FAAH2: variants seen among roughly 807,000 people sequenced by gnomAD.
FAAH2 encodes the protein fatty-acid amide hydrolase 2.
Under a neutral mutation model 36.9 loss-of-function variants are expected in FAAH2, and 60 were observed. That is an observed-to-expected ratio of 1.63 (90% CI 1.32 to 2.02). The LOEUF is 2.02. FAAH2 is among the 30% of genes most tolerant of loss of function. FAAH2 has a pLI of 0.00. For synonymous variants in FAAH2, 214 were observed against 143.8 expected, an observed-to-expected ratio of 1.49 and a Z score of -3.49; for missense variants, 689 against 397.5, an observed-to-expected ratio of 1.73 and a Z score of -6.23.
chrX:57,212,545 A>C, the FAAH2 span, among the ~76,000 whole-genome samples: 1 of 112,835 alleles, frequency 8.9e-6, no homozygotes, highest in South Asian at 3.6e-4. Flanking sequence ...AACTTCTGAA[A>C]ATAAAATATT....
the FAAH2 span, among the ~76,000 whole-genome samples, chrX:57,125,535 C>G: frequency 8.9e-5 from 10 of 111,743 alleles, no homozygotes; most frequent in Admixed American, 4.7e-4. Flanking sequence ...GTGGTTCCCT[C>G]TAGAATGGGT....
At chrX:57,291,930 A>C (rs1351799565) in intron 1 of FAAH2, among the ~76,000 whole-genome samples, 1 of 111,398 alleles carries the variant, frequency 9.0e-6, no homozygotes, top group African/African-American at 3.3e-5. Context: ...ATTTAAGATA[A>C]ATAACAAATA....
intron 3 of FAAH2, among the ~76,000 whole-genome samples, chrX:57,320,211 C>G (rs1452223454): frequency 8.9e-6 from 1 of 111,833 alleles, no homozygotes; most frequent in Non-Finnish European, 1.9e-5. Context: ...GCAAAAGAAA[C>G]TATCATCATA....
At chrX:57,269,141 T>C in the FAAH2 span, among the ~76,000 whole-genome samples, 2 of 111,612 alleles carry the variant, frequency 1.8e-5, no homozygotes, top group Admixed American at 1.9e-4. Flanking sequence ...AAACGTCAAA[T>C]AATGGTGAAA....
intron 7 of FAAH2, chrX:57,394,666 C>G (rs1316167230): frequency 1.1e-6 from 1 of 940,940 alleles, no homozygotes; most frequent in African/African-American, 1.9e-5. Context: ...TCACCCACAA[C>G]TTTTCTCCCA....
chrX:57,330,587 A>C (rs2053373723), intron 3 of FAAH2, among the ~76,000 whole-genome samples: 1 of 111,062 alleles, frequency 9.0e-6, no homozygotes, highest in Admixed American at 9.6e-5. Flanking sequence ...TTTGTGACCC[A>C]CACCCTATTT....
intron 5 of FAAH2, among the ~76,000 whole-genome samples, chrX:57,343,158 G>A (rs943147375): frequency 9.0e-6 from 1 of 111,550 alleles, no homozygotes; most frequent in Non-Finnish European, 1.9e-5. Context: ...GGATCACTGG[G>A]TTAAATGGCA....
intron 10 of FAAH2, among the ~76,000 whole-genome samples, chrX:57,464,309 G>T (rs752341630): frequency 9.0e-6 from 1 of 110,640 alleles, no homozygotes; most frequent in Non-Finnish European, 1.9e-5. Flanking sequence ...TAATGTATGC[G>T]GGGCTTAAAA....
intron 7 of FAAH2, among the ~76,000 whole-genome samples, chrX:57,408,429 A>G (rs1047563548): frequency 3.6e-5 from 4 of 111,256 alleles, no homozygotes; most frequent in Non-Finnish European, 7.5e-5. Context: ...AAATTAGATT[A>G]TTTCCTGATT....
At chrX:57,292,937 C>T (rs1484661453) in intron 2 of FAAH2, among the ~76,000 whole-genome samples, 3 of 111,759 alleles carry the variant, frequency 2.7e-5, no homozygotes, top group Middle Eastern at 9.2e-3. Flanking sequence ...CCTACACATG[C>T]ACACTTTTTT....
chrX:57,373,235 G>A (rs1431739071), intron 5 of FAAH2, among the ~76,000 whole-genome samples: 2 of 111,238 alleles, frequency 1.8e-5, no homozygotes, highest in Admixed American at 1.9e-4. Context: ...TTTCATCTGG[G>A]TAGTTACCAA....
intron 1 of FAAH2, among the ~76,000 whole-genome samples, chrX:57,291,161 A>T (rs2051967071): frequency 9.0e-6 from 1 of 111,585 alleles, no homozygotes; most frequent in African/African-American, 3.2e-5. Context: ...TCTTGGATAT[A>T]TCCTCACTTT....
At chrX:57,183,934 C>T in the FAAH2 span, among the ~76,000 whole-genome samples, 1 of 110,172 alleles carries the variant, frequency 9.1e-6, no homozygotes, top group Non-Finnish European at 1.9e-5. Context: ...TATTAATACC[C>T]TGGGAGCCAC....
chrX:57,279,248 T>A, the FAAH2 span, among the ~76,000 whole-genome samples: 1 of 112,543 alleles, frequency 8.9e-6, no homozygotes, highest in African/African-American at 3.2e-5. Context: ...GTGGCACATA[T>A]ACACCATGGA....
intron 7 of FAAH2, among the ~76,000 whole-genome samples, chrX:57,384,882 A>C (rs2054971405): frequency 9.0e-6 from 1 of 111,202 alleles, no homozygotes; most frequent in Non-Finnish European, 1.9e-5. Flanking sequence ...AACCAACCCA[A>C]ATGTCCAACA....
chrX:57,235,739 T>C, the FAAH2 span, among the ~76,000 whole-genome samples: 2 of 112,442 alleles, frequency 1.8e-5, no homozygotes, highest in Non-Finnish European at 3.8e-5. Flanking sequence ...TCGTTGTCTA[T>C]GCTTATGCAA....
At chrX:57,411,417 G>A (rs2055697733) in intron 7 of FAAH2, among the ~76,000 whole-genome samples, 1 of 111,107 alleles carries the variant, frequency 9.0e-6, no homozygotes, top group African/African-American at 3.3e-5. Flanking sequence ...GCTTTCCACT[G>A]GGGAGGAAGG....
the FAAH2 span, among the ~76,000 whole-genome samples, chrX:57,182,432 G>A: frequency 9.0e-6 from 1 of 111,657 alleles, no homozygotes; most frequent in East Asian, 2.8e-4. Flanking sequence ...AACAAAACAT[G>A]CATGCAGCCA....
chrX:57,475,955 ATTGTG>A (rs2057258877), intron 10 of FAAH2, among the ~76,000 whole-genome samples: 1 of 110,959 alleles, frequency 9.0e-6, no homozygotes, highest in Non-Finnish European at 1.9e-5. Context: ...CTTTGTAGCA[ATTGTG>A]AATGGGAGTT....
Sources: gnomAD v4.1 joint callset for allele counts (sites outside exome capture counted in the v4.1 genomes callset) on GRCh38, gnomAD v4.1.1 for gene constraint, MANE v1.5 for transcripts, NCBI Gene and HGNC (gene_info 2026-07-23, HGNC 2026-07-21) for gene names.